Variants in NUP205 observed in about 807,000 individuals in gnomAD.
NUP205 encodes the protein nuclear pore complex protein Nup205.
A neutral mutation model predicts 253.8 loss-of-function variants in NUP205; 76 were observed. The observed-to-expected ratio is 0.30, with a 90% CI of 0.25 to 0.36. NUP205 has a LOEUF of 0.36. NUP205 is among the 10% of genes least tolerant of loss of function. The probability of loss-of-function intolerance (pLI) is 1.00; values close to 1 mark genes in which losing one functional copy is unlikely to be tolerated. For synonymous variants in NUP205, 832 were observed against 850.1 expected, an observed-to-expected ratio of 0.98 and a Z score of 0.37; for missense variants, 2,162 against 2,425.5, an observed-to-expected ratio of 0.89 and a Z score of 2.28.
intron 36 of NUP205, 120 bp from the exon 37 acceptor site, chr7:135,637,811 A>G (rs1288596256): frequency 1.2e-6 from 1 of 822,440 alleles, no homozygotes; most frequent in Non-Finnish European, 1.8e-6. Context: ...GTTTTAAGTA[A>G]GATATTAGAT....
Position 135,591,590 on chromosome 7 carries a change from T to C in NUP205, c.1614T>C (p.Gly538=). 1.2e-6 allele frequency: 2 copies of C among 1,611,942 alleles called. No homozygotes were observed. The highest frequency in any genetic ancestry group is 1.7e-6 in the Non-Finnish European group (2 of 1,179,614). ...HYCFSLLKVN[G]SSHVENIQGA... Reference sequence around the variant, plus strand: ...GTTTCAGCCTGCTCAAAGTCAATGGTAGTAGTCATGGTAAGGAATATGTGG... The same window carrying C: ...GTTTCAGCCTGCTCAAAGTCAATGGCAGTAGTCATGGTAAGGAATATGTGG... The change falls in exon 11 of 43, where the codon GGT becomes GGC. Residue 538 remains glycine, a synonymous_variant. Transcript: ENST00000285968.
At chr7:135,612,359 A>G (rs1013840864) in intron 22 of NUP205, among the ~76,000 whole-genome samples, 1 of 152,200 alleles carries the variant, frequency 6.6e-6, no homozygotes, top group Non-Finnish European at 1.5e-5. Context: ...ACCTTACTTA[A>G]TGTAGTTGAT....
chr7:135,567,162 A>G (rs1402069570), intron 1 of NUP205, among the ~76,000 whole-genome samples: 2 of 101,632 alleles, frequency 2.0e-5, no homozygotes, highest in African/African-American at 3.7e-5. Flanking sequence ...ATATATATAT[A>G]TATATATATA....
chr7:135,602,779 T>G (rs1400353134), intron 17 of NUP205, 26 bp from the exon 18 acceptor site: 1 of 1,563,282 alleles, frequency 6.4e-7, no homozygotes, highest in Admixed American at 1.8e-5. Context: ...AATTTAGAAC[T>G]TTCTAACTTT....
intron 8 of NUP205, among the ~76,000 whole-genome samples, chr7:135,586,879 A>G (rs1157211604): frequency 6.6e-6 from 1 of 152,200 alleles, no homozygotes; most frequent in Non-Finnish European, 1.5e-5. Flanking sequence ...CCTGAAAGGA[A>G]CACATATTTT....
At chr7:135,640,205 T>A (rs1369204522) in intron 38 of NUP205, among the ~76,000 whole-genome samples, 1 of 152,212 alleles carries the variant, frequency 6.6e-6, no homozygotes, top group Non-Finnish European at 1.5e-5. Context: ...TGTACATGTA[T>A]CCCAGAACTT....
chr7:135,634,018 C>T (rs1266129709), intron 35 of NUP205, among the ~76,000 whole-genome samples: 1 of 152,106 alleles, frequency 6.6e-6, no homozygotes, highest in Non-Finnish European at 1.5e-5. Flanking sequence ...GCTGCCTAGC[C>T]CACTACCGTG....
intron 10 of NUP205, among the ~76,000 whole-genome samples, chr7:135,590,136 G>A (rs973403737): frequency 6.6e-6 from 1 of 150,958 alleles, no homozygotes; most frequent in Non-Finnish European, 1.5e-5. Flanking sequence ...TTTTGAGACA[G>A]AGTCCCACTT....
intron 1 of NUP205, among the ~76,000 whole-genome samples, chr7:135,565,168 T>C (rs542372114): frequency 1.1e-4 from 17 of 152,324 alleles, no homozygotes; most frequent in Middle Eastern, 3.4e-3. Flanking sequence ...TAAATATGTA[T>C]AGTACAAGGA....
chr7:135,599,761 A>C (rs958459561), intron 15 of NUP205, among the ~76,000 whole-genome samples: 2 of 152,148 alleles, frequency 1.3e-5, no homozygotes, highest in African/African-American at 4.8e-5. Flanking sequence ...CTTACTCTAA[A>C]AAACTTTCCC....
chr7:135,630,605 A>G, intron 35 of NUP205, 135 bp downstream of exon 35: 2 of 640,634 alleles, frequency 3.1e-6, no homozygotes, highest in East Asian at 4.1e-5. Context: ...GCCTTTATTT[A>G]TGTAATAAGT....
chr7:135,590,857 A>G (rs1449148097), intron 10 of NUP205, among the ~76,000 whole-genome samples: 1 of 152,170 alleles, frequency 6.6e-6, no homozygotes, highest in Non-Finnish European at 1.5e-5. Context: ...TAGCTGATTT[A>G]ATAGTTATTT....
chr7:135,559,663 G>A (rs139257547), intron 1 of NUP205, among the ~76,000 whole-genome samples: 59 of 150,288 alleles, frequency 3.9e-4, no homozygotes, highest in Admixed American at 1.5e-3. Context: ...GAGCCAGTAC[G>A]CAAGGTATAC....
intron 1 of NUP205, among the ~76,000 whole-genome samples, chr7:135,567,126 G>GTATATA (rs1563107967): frequency 2.2e-3 from 12 of 5,366 alleles, no homozygotes; most frequent in Admixed American, 7.9e-3. Flanking sequence ...CAGTCTATGT[G>GTATATA]TGTATATATA....
rs189427718 is a variant in NUP205, at chr7:135,609,775, T to C, written c.3195+2404T>C. Among the ~76,000 whole-genome samples the C allele has an allele frequency of 2.7e-3, 409 of 152,320 alleles. 1 individual carries two copies. The highest frequency in any genetic ancestry group is 9.3e-3 in the African/African-American group (387 of 41,582). On this transcript the variant is annotated intron_variant, in intron 22 of 42. Transcript: ENST00000285968. ...TTTCTGTCCTCCGGCTGTCCAAACA[T>C]CCCTTCACTGTAAGTACTATAGCTA...
intron 28 of NUP205, among the ~76,000 whole-genome samples, chr7:135,619,211 G>T (rs964441892): frequency 2.6e-5 from 4 of 151,852 alleles, no homozygotes; most frequent in African/African-American, 9.7e-5. Flanking sequence ...GAGCATGATG[G>T]TGTGCACCTG....
intron 1 of NUP205, among the ~76,000 whole-genome samples, chr7:135,560,600 TACATA>T (rs1356216030): frequency 1.3e-5 from 2 of 152,206 alleles, no homozygotes; most frequent in Non-Finnish European, 2.9e-5. Context: ...TACATGCATA[TACATA>T]ACATAACGTA....
chr7:135,621,286 A>C (rs1794465211), intron 30 of NUP205, among the ~76,000 whole-genome samples: 1 of 152,240 alleles, frequency 6.6e-6, no homozygotes, highest in African/African-American at 2.4e-5. Flanking sequence ...AAATAACAGA[A>C]TAGTTTAGAG....
chr7:135,648,328 T>A, intron 42 of NUP205, 76 bp from the exon 43 acceptor site: 1 of 1,306,048 alleles, frequency 7.7e-7, no homozygotes, highest in Non-Finnish European at 1.0e-6. Context: ...CTAAAGTGTT[T>A]TAAATTGGAA....
Sources: gnomAD v4.1 joint callset for allele counts (sites outside exome capture counted in the v4.1 genomes callset) on GRCh38, gnomAD v4.1.1 for gene constraint, MANE v1.5 for transcripts, NCBI Gene and HGNC (gene_info 2026-07-23, HGNC 2026-07-21) for gene names.